CNOT6: variants seen among roughly 807,000 people sequenced by gnomAD.
CNOT6 encodes CCR4-NOT transcription complex subunit 6.
A neutral mutation model predicts 61.2 loss-of-function variants in CNOT6; 12 were observed. The observed-to-expected ratio is 0.20, with a 90% CI of 0.13 to 0.32. The LOEUF is 0.32. Ranked by LOEUF, CNOT6 falls within the 10% of genes least tolerant of loss-of-function variation. CNOT6 has a pLI of 1.00. For missense variants in CNOT6, 405 were observed against 663.9 expected (o/e 0.61, Z 4.28); for synonymous variants, 225 against 240.6 (o/e 0.94, Z 0.60).
At chr5:180,560,985 C>T (rs112923836) in intron 4 of CNOT6, among the ~76,000 whole-genome samples, 14 of 152,022 alleles carry the variant, frequency 9.2e-5, no homozygotes, top group African/African-American at 3.1e-4. Context: ...AATCAAGAGA[C>T]GAGGTCTCGG....
At chr5:180,499,471 T>G (rs551836343) in intron 1 of CNOT6, among the ~76,000 whole-genome samples, 1 of 152,190 alleles carries the variant, frequency 6.6e-6, no homozygotes. Flanking sequence ...TAGTAAATTA[T>G]TGGAATTGGA....
chr5:180,553,557 C>G (rs1213848298), intron 4 of CNOT6, 86 bp downstream of exon 4: 4 of 914,910 alleles, frequency 4.4e-6, no homozygotes, highest in Admixed American at 2.4e-5. Flanking sequence ...CTAGGGGATT[C>G]TTTTAAAGAC....
intron 2 of CNOT6, among the ~76,000 whole-genome samples, chr5:180,535,339 G>GTGTC (rs1758629747): frequency 6.6e-6 from 1 of 152,182 alleles, no homozygotes; most frequent in Non-Finnish European, 1.5e-5. Context: ...GGAATCTTCA[G>GTGTC]TGTCTGTTTT....
At chr5:180,531,773 A>AGGAGCTGGAGACCAGCC (rs1213720527) in intron 2 of CNOT6, among the ~76,000 whole-genome samples, 13 of 152,252 alleles carry the variant, frequency 8.5e-5, no homozygotes, top group Non-Finnish European at 1.9e-4. Context: ...ACTCGGGGTC[A>AGGAGCTGGAGACCAGCC]GGAGCTGGAG....
In CNOT6 at chr5:180,576,085, C is replaced by T. The variant is rs10069; in HGVS notation, c.*1885C>T. On this transcript the variant is annotated 3_prime_UTR_variant, in exon 12 of 12. Transcript: ENST00000261951. ...AAACACATCCAGTTTATAATCAGTA[C>T]ATTGGAAAGCTGGTATTGATGTAGA... 25,574 of 152,362 alleles carry T rather than the reference C, an allele frequency of 0.17. 2,249 individuals are homozygous for T. Among genetic ancestry groups the T allele is most frequent in the Non-Finnish European group, 0.19 (13,037 of 67,968 alleles). 9.4% of individuals were successfully genotyped at this position (152,362 alleles called of 1,614,324 possible).
intron 2 of CNOT6, among the ~76,000 whole-genome samples, chr5:180,530,282 C>T (rs964469532): frequency 6.6e-6 from 1 of 152,160 alleles, no homozygotes; most frequent in Non-Finnish European, 1.5e-5. Context: ...GGCCCACGTG[C>T]GTGGAAGATC....
At chr5:180,573,300 T>G (rs1760843850) in intron 11 of CNOT6, among the ~76,000 whole-genome samples, 1 of 152,066 alleles carries the variant, frequency 6.6e-6, no homozygotes, top group African/African-American at 2.4e-5. Flanking sequence ...GTAGAGACAG[T>G]CCTGCCCTCA....
intron 1 of CNOT6, among the ~76,000 whole-genome samples, chr5:180,509,217 C>T (rs1444043961): frequency 1.3e-5 from 2 of 152,148 alleles, no homozygotes; most frequent in African/African-American, 2.4e-5. Context: ...CTGCAACCTC[C>T]GCCTCCTGGG....
At chr5:180,505,559 T>TTG (rs1210530125) in intron 1 of CNOT6, among the ~76,000 whole-genome samples, 2 of 140,120 alleles carry the variant, frequency 1.4e-5, no homozygotes, top group Non-Finnish European at 3.1e-5. Context: ...TTTTTTTTTT[T>TTG]TTTTTTGAGA....
intron 7 of CNOT6, 89 bp downstream of exon 7, chr5:180,566,066 T>C: frequency 8.2e-7 from 1 of 1,216,616 alleles, no homozygotes; most frequent in Non-Finnish European, 1.1e-6. Flanking sequence ...AAGTTTTAGC[T>C]TCAGTAGTTC....
chr5:180,573,670 C>T (rs1301014018), intron 11 of CNOT6, among the ~76,000 whole-genome samples: 1 of 151,498 alleles, frequency 6.6e-6, no homozygotes, highest in Non-Finnish European at 1.5e-5. Context: ...ATCCTCACCC[C>T]TTTCTCATTC....
chr5:180,515,723 TA>T (rs539118550), intron 1 of CNOT6, among the ~76,000 whole-genome samples: 156 of 150,652 alleles, frequency 1.0e-3, no homozygotes, highest in African/African-American at 2.8e-3. Context: ...GCCTGATTAC[TA>T]AAAAAAAAGG....
chr5:180,552,765 G>T (rs1759688939), intron 3 of CNOT6, among the ~76,000 whole-genome samples: 1 of 152,184 alleles, frequency 6.6e-6, no homozygotes, highest in African/African-American at 2.4e-5. Flanking sequence ...AGGTTCCTTT[G>T]ATATTTATAT....
chr5:180,500,526 C>G (rs1206100931), intron 1 of CNOT6, among the ~76,000 whole-genome samples: 1 of 152,004 alleles, frequency 6.6e-6, no homozygotes, highest in Non-Finnish European at 1.5e-5. Context: ...CAGGCTCCGC[C>G]TCCCGGGTTC....
At chr5:180,514,499 C>T (rs1419689422) in intron 1 of CNOT6, among the ~76,000 whole-genome samples, 2 of 152,190 alleles carry the variant, frequency 1.3e-5, no homozygotes, top group South Asian at 4.1e-4. Context: ...GAAGAATAAT[C>T]TAAGTGGTAT....
At chr5:180,546,222 C>A (rs1759306493) in intron 2 of CNOT6, among the ~76,000 whole-genome samples, 1 of 152,044 alleles carries the variant, frequency 6.6e-6, no homozygotes, top group Non-Finnish European at 1.5e-5. Context: ...GTGGTTATTT[C>A]TATGGTTAAA....
At chr5:180,506,664 A>G (rs1196717943) in intron 1 of CNOT6, among the ~76,000 whole-genome samples, 2 of 152,320 alleles carry the variant, frequency 1.3e-5, no homozygotes, top group African/African-American at 2.4e-5. Context: ...ACCTCAGGCT[A>G]TCCCAGAACC....
rs1554105000 is a variant in CNOT6, at chr5:180,577,196, T to TGTGTGTGTGTGTGTGTGTGTG, written c.*2996_*2997insGTGTGTGTGTGTGTGTGTGTG. On this transcript the variant is annotated 3_prime_UTR_variant, in exon 12 of 12. Coordinates refer to ENST00000261951, the MANE Select transcript of CNOT6 (RefSeq NM_001370472.1). ...GTGTGTGTGTGTGTGTGTGTGTGTG[T>TGTGTGTGTGTGTGTGTGTGTG]TTAATATGATTTAGTGACAACCAGG... The TGTGTGTGTGTGTGTGTGTGTG allele has an allele frequency of 2.0e-5, 3 of 152,148 alleles. No homozygotes were observed. The highest frequency in any genetic ancestry group is 4.8e-5 in the African/African-American group (2 of 41,286). 9.4% of individuals were successfully genotyped at this position (152,148 alleles called of 1,614,324 possible).
chr5:180,499,863 G>A (rs983989131), intron 1 of CNOT6, among the ~76,000 whole-genome samples: 2 of 152,186 alleles, frequency 1.3e-5, no homozygotes, highest in Admixed American at 1.3e-4. Context: ...GTTGTAACAC[G>A]AGAAGCAAAT....
Sources: allele counts gnomAD v4.1 joint callset (sites outside exome capture counted in the v4.1 genomes callset), GRCh38; gene constraint gnomAD v4.1.1; transcripts MANE v1.5; gene names NCBI Gene and HGNC (gene_info 2026-07-23, HGNC 2026-07-21).